The following AADAT variants were observed in gnomAD, a reference collection of about 807,000 sequenced individuals.
The protein encoded by AADAT is aminoadipate aminotransferase, also known as kynurenine/alpha-aminoadipate aminotransferase, mitochondrial.
A neutral mutation model predicts 56.2 loss-of-function variants in AADAT; 25 were observed. That is an observed-to-expected ratio of 0.44 (90% CI 0.32 to 0.62). The LOEUF (loss-of-function observed/expected upper bound fraction) is 0.62, where lower values mean the gene tolerates loss of function less well. AADAT is among the 20% of genes least tolerant of loss of function. The pLI is 0.04. For missense variants in AADAT, 387 were observed against 510.5 expected (o/e 0.76, Z 2.33); for synonymous variants, 173 against 164.7 (o/e 1.05, Z -0.39).
At chr4:170,067,513 C>CTTG in intron 8 of AADAT, 125 bp from the exon 9 acceptor site, 1 of 625,264 alleles carries the variant, frequency 1.6e-6, no homozygotes, top group Non-Finnish European at 2.8e-6. Flanking sequence ...CTGAGCCTAG[C>CTTG]TTATATAGTC....
chr4:170,081,593 T>C (rs1561022211), intron 3 of AADAT, among the ~76,000 whole-genome samples: 1 of 152,152 alleles, frequency 6.6e-6, no homozygotes, highest in Non-Finnish European at 1.5e-5. Flanking sequence ...ACATGAGCTC[T>C]AATTTGTCTG....
In AADAT at chr4:170,071,115, G is replaced by A. The variant is rs1389412709; in HGVS notation, c.655-463C>T. Among the ~76,000 whole-genome samples the A allele has an allele frequency of 3.3e-5, 5 of 152,240 alleles. No homozygotes were observed. In the South Asian group the frequency reaches 8.3e-4, roughly 25 times the overall value. On this transcript the variant is annotated intron_variant, in intron 5 of 12. Transcript: ENST00000337664. Reference sequence around the variant, plus strand: ...TTTGGTAGAGATGGGGTTTCACCACGTTGGCCAGGCTGGTCTCAAACTCCT... The same window carrying A: ...TTTGGTAGAGATGGGGTTTCACCACATTGGCCAGGCTGGTCTCAAACTCCT...
At chr4:170,094,038 A>G (rs1732939539), upstream of AADAT, among the ~76,000 whole-genome samples, 1 of 152,214 alleles carries the variant, frequency 6.6e-6, no homozygotes, top group African/African-American at 2.4e-5. Flanking sequence ...ACCCTTAAAC[A>G]GTTTGCTGAA....
At chr4:170,071,288 T>C (rs968052860) in intron 5 of AADAT, among the ~76,000 whole-genome samples, 9 of 152,076 alleles carry the variant, frequency 5.9e-5, no homozygotes, top group African/African-American at 2.2e-4. Context: ...CTATTTCAGG[T>C]TCAATCACTG....
At chr4:170,080,532 G>A (rs1732248011) in intron 3 of AADAT, among the ~76,000 whole-genome samples, 1 of 152,154 alleles carries the variant, frequency 6.6e-6, no homozygotes, top group Non-Finnish European at 1.5e-5. Context: ...ACCATCCCAA[G>A]CCCTGGAAAC....
At chr4:170,067,192 T>C (rs543135695) in intron 9 of AADAT, 135 bp downstream of exon 9, 45 of 637,620 alleles carry the variant, frequency 7.1e-5, no homozygotes, top group Admixed American at 5.6e-4. Flanking sequence ...TTTTGACTTA[T>C]AATAGACCGT....
At chr4:170,064,355 T>G (rs1024252516) in intron 11 of AADAT, among the ~76,000 whole-genome samples, 8 of 152,220 alleles carry the variant, frequency 5.3e-5, no homozygotes, top group Admixed American at 5.2e-4. Context: ...AGAGGGATTC[T>G]TATTACCTCT....
At chr4:170,073,466 G>A (rs1015657645) in intron 4 of AADAT, 121 bp from the exon 5 acceptor site, 54 of 827,644 alleles carry the variant, frequency 6.5e-5, no homozygotes, top group South Asian at 1.1e-4. Flanking sequence ...ATATAAACCC[G>A]CAACCAGCTC....
rs144212903 is a variant in AADAT at position 170,069,107 on chromosome 4, T to G, written c.803+41A>C. The stretch of plus-strand genomic sequence containing the variant: ...AAGATACTGAGGTACTATCTCTGGC[T>G]CTATTAGATCTAGCGTCAAGTTAGA... On this transcript the variant is annotated intron_variant, in intron 7 of 12. Transcript: ENST00000337664. 1.6e-3 allele frequency: 2,501 copies of G among 1,544,458 alleles called. 13 individuals are homozygous for G. The highest frequency in any genetic ancestry group is 7.8e-3 in the South Asian group (661 of 85,024).
intron 3 of AADAT, among the ~76,000 whole-genome samples, chr4:170,085,039 A>T (rs1327703035): frequency 6.6e-6 from 1 of 152,134 alleles, no homozygotes; most frequent in Non-Finnish European, 1.5e-5. Flanking sequence ...CTATATGATG[A>T]TCCACTTCCA....
intron 4 of AADAT, among the ~76,000 whole-genome samples, chr4:170,074,364 C>A (rs1460379206): frequency 1.3e-5 from 2 of 151,896 alleles, no homozygotes; most frequent in Non-Finnish European, 2.9e-5. Flanking sequence ...CTTCCTGACT[C>A]CCCCCAGCAG....
chr4:170,092,955 C>G (rs1581606724), upstream of AADAT, among the ~76,000 whole-genome samples: 1 of 152,206 alleles, frequency 6.6e-6, no homozygotes, highest in Non-Finnish European at 1.5e-5. Context: ...CTTGTCCATT[C>G]TAAAAGTAGT....
intron 5 of AADAT, among the ~76,000 whole-genome samples, chr4:170,071,533 C>T (rs1731762633): frequency 1.3e-5 from 2 of 152,152 alleles, no homozygotes; most frequent in South Asian, 4.1e-4. Context: ...CCTAGCTCTG[C>T]AAGGCAGATA....
rs377049488 is a variant in AADAT at position 170,070,588 on chromosome 4, T to C, written c.719A>G (p.Lys240Arg). The C allele has an allele frequency of 6.3e-7, 1 of 1,578,516 alleles. No individual in the cohort carries two copies. Among genetic ancestry groups the C allele is most frequent in the African/African-American group, 1.4e-5 (1 of 73,956 alleles). The change falls in exon 6 of 13, where the codon AAG becomes AGG. Residue 240 changes from lysine to arginine, a missense_variant and splice_region_variant. Lys to Arg is a conservative substitution (Grantham distance 26). Coordinates refer to ENST00000337664, the MANE Select transcript of AADAT (RefSeq NM_016228.4). ...AAGTAAGTTCACATAATCACTTACC[T>C]TGTTAAACTGGAGAAAATAGTAAGG... ...DDPYYFLQFNKFRVPTFLSMD... is the reference protein window; with the variant it reads ...DDPYYFLQFNRFRVPTFLSMD...
chr4:170,079,444 A>C (rs1732189431), intron 3 of AADAT, among the ~76,000 whole-genome samples: 1 of 152,152 alleles, frequency 6.6e-6, no homozygotes. Context: ...TGAAAAGATC[A>C]ATCTGGCTGC....
At chr4:170,064,615 G>T in intron 11 of AADAT, 104 bp downstream of exon 11, 1 of 836,756 alleles carries the variant, frequency 1.2e-6, no homozygotes, top group Non-Finnish European at 1.9e-6. Flanking sequence ...TGAGTTGGCT[G>T]GTGGGCAACA....
At chr4:170,066,720 T>C (rs1731481019) in intron 9 of AADAT, among the ~76,000 whole-genome samples, 1 of 152,236 alleles carries the variant, frequency 6.6e-6, no homozygotes, top group Non-Finnish European at 1.5e-5. Flanking sequence ...CATTTCTATG[T>C]AAAATATGGA....
At chr4:170,092,131 A>T (rs560692963), upstream of AADAT, among the ~76,000 whole-genome samples, 1 of 152,250 alleles carries the variant, frequency 6.6e-6, no homozygotes, top group Admixed American at 6.5e-5. Context: ...GGGGCCAGAT[A>T]AGAGAATAAA....
upstream of AADAT, among the ~76,000 whole-genome samples, chr4:170,093,977 A>G (rs1732938866): frequency 6.6e-6 from 1 of 152,226 alleles, no homozygotes; most frequent in African/African-American, 2.4e-5. Context: ...AATTTAAGGA[A>G]GCCAAACTGA....
Sources: allele counts gnomAD v4.1 joint callset (sites outside exome capture counted in the v4.1 genomes callset), GRCh38; gene constraint gnomAD v4.1.1; transcripts MANE v1.5; gene names NCBI Gene and HGNC (gene_info 2026-07-23, HGNC 2026-07-21).